Variants in ATXN2 observed in about 807,000 individuals in gnomAD.
ATXN2 encodes the protein ataxin-2.
Under a neutral mutation model 138.6 loss-of-function variants are expected in ATXN2, and 37 were observed. The ratio of observed to expected loss-of-function variants is 0.27; its 90% confidence interval spans 0.21 to 0.35. The LOEUF (loss-of-function observed/expected upper bound fraction) is 0.35. Among genes scored for constraint, ATXN2 ranks in the 10% least tolerant of loss-of-function variants. ATXN2 has a pLI of 1.00. For synonymous variants in ATXN2, 549 were observed against 543.7 expected (o/e 1.01, Z -0.13); for missense variants, 1,216 against 1,480.3 (o/e 0.82, Z 2.93).
intron 10 of ATXN2, 86 bp from the exon 11 acceptor site, chr12:111,513,625 A>G: frequency 8.9e-7 from 1 of 1,120,952 alleles, no homozygotes; most frequent in East Asian, 2.8e-5. Flanking sequence ...TCACACACAC[A>G]TGCACACACA....
In ATXN2 at chr12:111,581,135, C is replaced by CA. The variant is rs1016431358; in HGVS notation, c.251+17648dup. ...TCGGCAACAGAGCGAGACTCCATCTCAAAAAAAAAAAAAAAAAAAGAAATG... is the reference window on the plus strand; with the variant it reads ...TCGGCAACAGAGCGAGACTCCATCTCAAAAAAAAAAAAAAAAAAAAGAAATG... On this transcript the variant is annotated intron_variant, in intron 1 of 24. Transcript: ENST00000673436. 8.4e-3 allele frequency among the ~76,000 whole-genome samples: 480 copies of CA among 57,348 alleles called. 6 individuals carry two copies. The highest frequency in any genetic ancestry group is 0.016 in the East Asian group (24 of 1,490). 37.6% of individuals were successfully genotyped at this position (57,348 alleles called of 152,430 possible).
At chr12:111,564,485 G>GAA (rs34034056) in intron 1 of ATXN2, among the ~76,000 whole-genome samples, 3 of 135,668 alleles carry the variant, frequency 2.2e-5, no homozygotes, top group Non-Finnish European at 1.6e-5. Flanking sequence ...AGGGGAAATG[G>GAA]AAAAAAAAAA....
chr12:111,481,389 G>A (rs368191681), intron 18 of ATXN2, among the ~76,000 whole-genome samples: 1 of 152,166 alleles, frequency 6.6e-6, no homozygotes, highest in Non-Finnish European at 1.5e-5. Flanking sequence ...AGGCTGCAGT[G>A]AGCCGAGATT....
intron 18 of ATXN2, among the ~76,000 whole-genome samples, chr12:111,478,808 A>G (rs932821375): frequency 2.0e-5 from 3 of 151,884 alleles, no homozygotes; most frequent in African/African-American, 4.8e-5. Flanking sequence ...GGAGTTCGAG[A>G]CCAGCCTGGC....
intron 3 of ATXN2, among the ~76,000 whole-genome samples, chr12:111,553,337 G>C (rs1387193573): frequency 6.6e-6 from 1 of 152,088 alleles, no homozygotes; most frequent in South Asian, 2.1e-4. Flanking sequence ...ACTGGTTCCA[G>C]GACCTCCTTC....
intron 18 of ATXN2, among the ~76,000 whole-genome samples, chr12:111,473,396 G>C: frequency 6.6e-6 from 1 of 151,956 alleles, no homozygotes; most frequent in East Asian, 1.9e-4. Flanking sequence ...TTATTTTGAA[G>C]ACTGCCTTAA....
intron 18 of ATXN2, among the ~76,000 whole-genome samples, chr12:111,473,889 G>A (rs1428898682): frequency 3.9e-5 from 6 of 152,084 alleles, no homozygotes; most frequent in Admixed American, 3.9e-4. Flanking sequence ...TTCAGATCGT[G>A]GGAAAAAAAT....
At chr12:111,573,204 A>G (rs970057748) in intron 1 of ATXN2, among the ~76,000 whole-genome samples, 1 of 151,760 alleles carries the variant, frequency 6.6e-6, no homozygotes, top group Non-Finnish European at 1.5e-5. Context: ...TTATTTATTT[A>G]TTTTTTGAGA....
chr12:111,488,678 C>T lies in ATXN2; in HGVS notation c.2038G>A (p.Ala680Thr). 1.2e-6 allele frequency: 2 copies of T among 1,613,690 alleles called. No homozygotes were observed. Among genetic ancestry groups the T allele is most frequent in the Non-Finnish European group, 1.7e-6 (2 of 1,179,776 alleles). Residue 680 changes from alanine to threonine, a missense_variant, in exon 15 of 25, where the codon GCT (alanine) becomes ACT (threonine). Coordinates refer to ENST00000673436, the MANE Select transcript of ATXN2 (RefSeq NM_001372574.1). ...DLIKDKIEPS[A>T]KDSFIENSSS... is the part of the protein sequence containing the mutation. Reference sequence around the variant, plus strand: ...CTATTTTCAATGAAAGAATCCTTAGCACTTGGTTCAATTTTGTCTTTGATC... The same window carrying T: ...CTATTTTCAATGAAAGAATCCTTAGTACTTGGTTCAATTTTGTCTTTGATC...
intron 14 of ATXN2, among the ~76,000 whole-genome samples, chr12:111,490,009 A>G (rs1026504959): frequency 2.0e-5 from 3 of 151,516 alleles, no homozygotes. Flanking sequence ...TTAAGACCAG[A>G]CTGGCCAACA....
chr12:111,560,159 C>T (rs1044778477), intron 1 of ATXN2, among the ~76,000 whole-genome samples: 1 of 152,150 alleles, frequency 6.6e-6, no homozygotes, highest in African/African-American at 2.4e-5. Flanking sequence ...GAAAACAATG[C>T]AGGCCCTCCA....
intron 11 of ATXN2, chr12:111,512,116 T>C (rs1879564958): frequency 6.6e-6 from 1 of 151,770 alleles, no homozygotes; most frequent in South Asian, 2.1e-4. Flanking sequence ...CACACTCAGC[T>C]AATTTTGTAT....
chr12:111,549,098 T>C (rs1881988804), intron 5 of ATXN2, among the ~76,000 whole-genome samples: 1 of 152,022 alleles, frequency 6.6e-6, no homozygotes, highest in Non-Finnish European at 1.5e-5. Flanking sequence ...GCTCACACCC[T>C]GACTGTCCAG....
rs376249613 is a variant in ATXN2 at position 111,513,560 on chromosome 12, A to C, written c.1376-21T>G. 23 of 1,599,468 alleles carry C rather than the reference A, an allele frequency of 1.4e-5. No individual in the cohort carries two copies. In the African/African-American group the frequency reaches 2.4e-4, roughly 17 times the overall value. On this transcript the variant is annotated intron_variant, in intron 10 of 24. Coordinates refer to ENST00000673436, the MANE Select transcript of ATXN2 (RefSeq NM_001372574.1). ...AGGCCCTAAGGAAGAAACAGTGAAC[A>C]TCACATAAATTCCATGATATTCATC...
intron 14 of ATXN2, among the ~76,000 whole-genome samples, chr12:111,498,869 G>C (rs976645099): frequency 2.0e-5 from 3 of 152,212 alleles, no homozygotes. Flanking sequence ...CAATGAAACA[G>C]AACAGAGAAC....
chr12:111,524,450 TTAAG>T (rs1467173631), intron 6 of ATXN2, among the ~76,000 whole-genome samples: 3 of 152,206 alleles, frequency 2.0e-5, no homozygotes, highest in Admixed American at 6.5e-5. Flanking sequence ...AGAGTCTTTA[TTAAG>T]TATTTGTTTT....
chr12:111,573,247 C>T (rs1371307473), intron 1 of ATXN2, among the ~76,000 whole-genome samples: 12 of 151,950 alleles, frequency 7.9e-5, no homozygotes, highest in Non-Finnish European at 7.4e-5. Flanking sequence ...CGCTGGAGTG[C>T]AATGGAGCGA....
chr12:111,555,868 A>G lies in ATXN2; in HGVS notation c.288+15T>C, dbSNP rs1222038254. 3 of 1,591,316 alleles carry G rather than the reference A, an allele frequency of 1.9e-6. No individual in the cohort carries two copies. Among genetic ancestry groups the G allele is most frequent in the Non-Finnish European group, 2.6e-6 (3 of 1,168,842 alleles). On this transcript the variant is annotated intron_variant, in intron 2 of 24. Coordinates refer to ENST00000673436, the MANE Select transcript of ATXN2 (RefSeq NM_001372574.1). Reference sequence around the variant, plus strand: ...CTACTAATTTTCCCCAATAAGTAACATTAAAGTTACTCACCGTAGACTGAG... The same window carrying G: ...CTACTAATTTTCCCCAATAAGTAACGTTAAAGTTACTCACCGTAGACTGAG...
At chr12:111,454,226 T>C (rs1286315765) in intron 23 of ATXN2, 1 of 164,772 alleles carries the variant, frequency 6.1e-6, no homozygotes, top group Non-Finnish European at 1.3e-5. Flanking sequence ...TGCTTCAGAA[T>C]CAGGCTGCCA....
Sources: gnomAD v4.1 joint callset for allele counts (sites outside exome capture counted in the v4.1 genomes callset) on GRCh38, gnomAD v4.1.1 for gene constraint, MANE v1.5 for transcripts, NCBI Gene and HGNC (gene_info 2026-07-23, HGNC 2026-07-21) for gene names.